Variants in AXDND1 observed in about 807,000 individuals in gnomAD.
AXDND1 encodes the protein axonemal dynein light chain domain-containing protein 1.
Under a neutral mutation model 137.5 loss-of-function variants are expected in AXDND1, and 110 were observed. That is an observed-to-expected ratio of 0.80 (90% confidence interval 0.69 to 0.94). AXDND1 has a LOEUF of 0.94. AXDND1 is among the 40% of genes least tolerant of loss of function. The probability of loss-of-function intolerance (pLI) is 0.00; values close to 1 mark genes in which losing one functional copy is unlikely to be tolerated. For missense variants in AXDND1, 1,191 were observed against 1,169.8 expected (o/e 1.02, Z -0.26); for synonymous variants, 414 against 399.7 (o/e 1.04, Z -0.43).
intron 12 of AXDND1, among the ~76,000 whole-genome samples, chr1:179,428,910 G>A (rs1477009019): frequency 6.6e-6 from 1 of 152,104 alleles, no homozygotes; most frequent in Non-Finnish European, 1.5e-5. Context: ...CGGGCGTGGT[G>A]GCTCACGCCT....
intron 16 of AXDND1, among the ~76,000 whole-genome samples, chr1:179,459,809 T>G (rs72719289): frequency 0.32 from 44,982 of 139,666 alleles, 10,254 homozygotes; most frequent in East Asian, 0.45. Context: ...CTTTCTTTCC[T>G]TCCTTCCTTC....
At chr1:179,490,845 A>G (rs1387945641) in intron 18 of AXDND1, among the ~76,000 whole-genome samples, 3 of 152,020 alleles carry the variant, frequency 2.0e-5, no homozygotes, top group African/African-American at 7.2e-5. Flanking sequence ...TAGGGCATCT[A>G]AAGTTGAAAA....
chr1:179,420,639 CTTTT>C (rs113126689), intron 12 of AXDND1, among the ~76,000 whole-genome samples: 8 of 142,362 alleles, frequency 5.6e-5, no homozygotes, highest in African/African-American at 2.1e-4. Flanking sequence ...TGAGGTTTTC[CTTTT>C]TTTTTTTTTT....
intron 21 of AXDND1, among the ~76,000 whole-genome samples, chr1:179,518,032 A>T (rs1669707253): frequency 6.6e-6 from 1 of 152,220 alleles, no homozygotes; most frequent in African/African-American, 2.4e-5. Flanking sequence ...ATACTTGATC[A>T]TTATGCTTAA....
chr1:179,462,031 C>T (rs1036367968), intron 16 of AXDND1, among the ~76,000 whole-genome samples: 1 of 152,128 alleles, frequency 6.6e-6, no homozygotes, highest in Non-Finnish European at 1.5e-5. Context: ...ATTGAATACC[C>T]TTTATTTCTT....
intron 25 of AXDND1, among the ~76,000 whole-genome samples, chr1:179,546,681 C>G (rs1279803880): frequency 6.6e-6 from 1 of 152,110 alleles, no homozygotes; most frequent in Non-Finnish European, 1.5e-5. Flanking sequence ...TGTCCCAGCC[C>G]CCAATCTCAG....
chr1:179,509,393 T>C lies in AXDND1; in HGVS notation c.2486T>C (p.Leu829Pro). The C allele has an allele frequency of 6.3e-7, 1 of 1,599,082 alleles. No homozygotes were observed. The highest frequency in any genetic ancestry group is 1.1e-5 in the South Asian group (1 of 90,572). Reference protein sequence around the residue: ...TLLTYEEIERLLEEEAVKEFI... With the variant: ...TLLTYEEIERPLEEEAVKEFI... Reference sequence around the variant, plus strand: ...TTGACATATGAAGAAATAGAGCGGCTACTTGAAGAGGTATTTGCCACATGT... The same window carrying C: ...TTGACATATGAAGAAATAGAGCGGCCACTTGAAGAGGTATTTGCCACATGT... Residue 829 changes from leucine (L) to proline (P), a missense_variant, in exon 21 of 26, where the codon CTA becomes CCA. Physicochemically the swap from Leu to Pro is moderately conservative, Grantham distance 98. Coordinates refer to ENST00000367618, the MANE Select transcript of AXDND1 (RefSeq NM_144696.6).
At chr1:179,522,628 G>A (rs1670169054) in intron 21 of AXDND1, among the ~76,000 whole-genome samples, 2 of 151,654 alleles carry the variant, frequency 1.3e-5, no homozygotes, top group Admixed American at 1.3e-4. Context: ...GAGAAAAGCA[G>A]ATTATAGAAT....
intron 20 of AXDND1, among the ~76,000 whole-genome samples, chr1:179,504,378 C>A (rs1329276): frequency 0.34 from 51,752 of 152,042 alleles, 8,776 homozygotes; most frequent in East Asian, 0.4. Flanking sequence ...GGACCTGCCA[C>A]AGATGGTGGT....
chr1:179,410,274 A>G (rs2125217286), intron 11 of AXDND1, among the ~76,000 whole-genome samples: 1 of 152,292 alleles, frequency 6.6e-6, no homozygotes, highest in East Asian at 1.9e-4. Context: ...TCTGTCGCCC[A>G]GTCTGGAGTG....
intron 15 of AXDND1, among the ~76,000 whole-genome samples, chr1:179,436,464 G>A (rs1334577722): frequency 6.6e-6 from 1 of 152,146 alleles, no homozygotes; most frequent in Non-Finnish European, 1.5e-5. Context: ...TGGTAGACTG[G>A]ATAAAGAAAA....
At chr1:179,467,963 G>A (rs1663430704) in intron 16 of AXDND1, among the ~76,000 whole-genome samples, 1 of 152,090 alleles carries the variant, frequency 6.6e-6, no homozygotes, top group Non-Finnish European at 1.5e-5. Flanking sequence ...CTCAAGTTTT[G>A]TTCAGACTAA....
In AXDND1 at chr1:179,375,294, G is replaced by C. The variant is rs1026396414; in HGVS notation, c.375-3343G>C. Among the ~76,000 whole-genome samples, 4 of 151,710 alleles carry C rather than the reference G, an allele frequency of 2.6e-5. No homozygotes were observed. The South Asian group carries it at 8.3e-4, about 31-fold the overall frequency. On this transcript the variant is annotated intron_variant, in intron 4 of 25. Transcript: ENST00000367618. ...TTTAACTTTATTTTTAATAGCGATG[G>C]TGTTTCACTATATTGGCTAGGCTGG...
intron 12 of AXDND1, among the ~76,000 whole-genome samples, chr1:179,415,227 A>G (rs1022903070): frequency 6.6e-6 from 1 of 152,082 alleles, no homozygotes; most frequent in African/African-American, 2.4e-5. Context: ...CTGTAGTCCC[A>G]GCTACTGAGG....
At chr1:179,516,030 GGT>G (rs1418134875) in intron 21 of AXDND1, among the ~76,000 whole-genome samples, 1 of 152,102 alleles carries the variant, frequency 6.6e-6, no homozygotes, top group Non-Finnish European at 1.5e-5. Context: ...ATATAGCCAA[GGT>G]GTGTGTGGTG....
At chr1:179,374,794 G>C (rs1245727668) in intron 4 of AXDND1, among the ~76,000 whole-genome samples, 2 of 149,510 alleles carry the variant, frequency 1.3e-5, no homozygotes, top group Non-Finnish European at 3.0e-5. Context: ...CTGGACACAG[G>C]GTGGGGAACA....
intron 16 of AXDND1, among the ~76,000 whole-genome samples, chr1:179,459,891 TTTC>T (rs1558211565): frequency 1.1e-4 from 15 of 137,178 alleles, no homozygotes; most frequent in East Asian, 2.4e-4. Flanking sequence ...TCTCTTTTCT[TTTC>T]TTTCTTTCAT....
rs575142621 is a variant in AXDND1, at chr1:179,465,218, A to T, written c.1799-3225A>T. 1.2e-4 allele frequency among the ~76,000 whole-genome samples: 19 copies of T among 152,314 alleles called. No individual in the cohort carries two copies. The South Asian group carries it at 3.9e-3, about 32-fold the overall frequency. On this transcript the variant is annotated intron_variant, in intron 16 of 25. Coordinates refer to ENST00000367618, the MANE Select transcript of AXDND1 (RefSeq NM_144696.6). Reference sequence around the variant, plus strand: ...AGATGCTCTGATTTTTAGAATTTTCAGCTTCTCTACTCTGGTTTCTCCCCC... The same window carrying T: ...AGATGCTCTGATTTTTAGAATTTTCTGCTTCTCTACTCTGGTTTCTCCCCC...
intron 4 of AXDND1, among the ~76,000 whole-genome samples, chr1:179,371,410 C>G (rs1269666708): frequency 6.6e-6 from 1 of 151,926 alleles, no homozygotes; most frequent in Non-Finnish European, 1.5e-5. Context: ...CCTGGGCGAC[C>G]CAGCGAGACT....
Sources: allele counts gnomAD v4.1 joint callset (sites outside exome capture counted in the v4.1 genomes callset), GRCh38; gene constraint gnomAD v4.1.1; transcripts MANE v1.5; gene names NCBI Gene and HGNC (gene_info 2026-07-23, HGNC 2026-07-21).